MGAM2: variants seen among roughly 807,000 people sequenced by gnomAD.
MGAM2 encodes probable maltase-glucoamylase 2.
MGAM2 carries 98 observed loss-of-function variants against 96.1 expected under a neutral mutation model. That is an observed-to-expected ratio of 1.02 (90% CI 0.87 to 1.21). The LOEUF is 1.21. Ranked by LOEUF, MGAM2 falls within the 50% of genes most tolerant of loss-of-function variation. The pLI, the probability that MGAM2 is intolerant of heterozygous loss-of-function variation, is 0.00. For synonymous variants in MGAM2, 749 were observed against 414.8 expected, an observed-to-expected ratio of 1.81 and a Z score of -9.79; for missense variants, 2,055 against 1,182.4, an observed-to-expected ratio of 1.74 and a Z score of -10.82.
At chr7:142,157,883 C>A (rs1795779979) in intron 17 of MGAM2, 54 bp from the exon 18 acceptor site, 2 of 690,956 alleles carry the variant, frequency 2.9e-6, no homozygotes, top group Non-Finnish European at 5.3e-6. Context: ...TGTAAGAGAA[C>A]TTCTGAACTA....
At chr7:142,213,274 G>A (rs1454701645) in intron 46 of MGAM2, among the ~76,000 whole-genome samples, 1 of 151,988 alleles carries the variant, frequency 6.6e-6, no homozygotes, top group Non-Finnish European at 1.5e-5. Flanking sequence ...AGAGAAGCAA[G>A]GGCAAACAAG....
intron 30 of MGAM2, 34 bp from the exon 31 acceptor site, chr7:142,173,195 A>G (rs1294636740): frequency 1.4e-6 from 1 of 702,176 alleles, no homozygotes; most frequent in Non-Finnish European, 2.6e-6. Context: ...TTCCCTAAGA[A>G]ATCTTTCTGG....
At chr7:142,187,059 A>G (rs945967366) in intron 35 of MGAM2, among the ~76,000 whole-genome samples, 3 of 152,144 alleles carry the variant, frequency 2.0e-5, no homozygotes, top group African/African-American at 4.8e-5. Context: ...TGTCCTATTT[A>G]AAATAGTCTG....
chr7:142,218,271 A>C (rs1472203303), intron 46 of MGAM2, 90 bp from the exon 47 acceptor site: 6 of 488,726 alleles, frequency 1.2e-5, no homozygotes, highest in Non-Finnish European at 2.2e-5. Flanking sequence ...ATATAACAAA[A>C]GTAAATTTAG....
intron 3 of MGAM2, among the ~76,000 whole-genome samples, chr7:142,130,275 G>T (rs896123934): frequency 1.3e-5 from 2 of 152,038 alleles, no homozygotes; most frequent in Non-Finnish European, 2.9e-5. Flanking sequence ...GCTTCACTTT[G>T]CTTACTTTTT....
chr7:142,161,898 A>C (rs1235665429), intron 22 of MGAM2, 57 bp from the exon 23 acceptor site: 2 of 640,792 alleles, frequency 3.1e-6, no homozygotes, highest in Non-Finnish European at 5.6e-6. Flanking sequence ...AGAGAAGAGC[A>C]GGACTCCCTG....
intron 15 of MGAM2, among the ~76,000 whole-genome samples, chr7:142,149,475 C>A (rs34979616): frequency 0.41 from 62,740 of 152,074 alleles, 14,755 homozygotes; most frequent in East Asian, 0.7. Flanking sequence ...TATAATTATA[C>A]CTGAGATGTT....
chr7:142,179,181 G>A (rs1024667469), intron 32 of MGAM2, among the ~76,000 whole-genome samples: 1 of 152,126 alleles, frequency 6.6e-6, no homozygotes, highest in Admixed American at 6.5e-5. Context: ...GTATAGAAAT[G>A]CTACTAATTT....
intron 26 of MGAM2, among the ~76,000 whole-genome samples, chr7:142,168,472 G>C (rs188358613): frequency 6.0e-4 from 92 of 152,176 alleles, no homozygotes; most frequent in African/African-American, 2.2e-3. Context: ...ATTTCACCAT[G>C]TTGGCCAGGC....
chr7:142,216,212 G>C (rs1483348966), intron 46 of MGAM2, among the ~76,000 whole-genome samples: 2 of 152,144 alleles, frequency 1.3e-5, no homozygotes, highest in African/African-American at 2.4e-5. Context: ...CTTAAGAGTA[G>C]TTGGGTTGAA....
At chr7:142,171,654 A>ATATATATC (rs1796195862) in intron 28 of MGAM2, among the ~76,000 whole-genome samples, 1 of 68,120 alleles carries the variant, frequency 1.5e-5, no homozygotes, top group Non-Finnish European at 3.0e-5. Flanking sequence ...ATATATATAT[A>ATATATATC]TCCACAACTG....
At chr7:142,138,705 A>G in intron 10 of MGAM2, 38 bp downstream of exon 10, 2 of 671,720 alleles carry the variant, frequency 3.0e-6, no homozygotes, top group Non-Finnish European at 5.4e-6. Flanking sequence ...GTTGACACCA[A>G]TTCCCATTTT....
chr7:142,221,047 C>T lies in MGAM2; in HGVS notation c.6536C>T (p.Pro2179Leu), dbSNP rs1466689808. 4 of 702,312 alleles carry T rather than the reference C, an allele frequency of 5.7e-6. No homozygotes were observed. 43.5% of individuals were successfully genotyped at this position (702,312 alleles called of 1,614,324 possible). Reference protein sequence around the residue: ...TDDTVPNNTVPVTAIPSLANT... With the variant: ...TDDTVPNNTVLVTAIPSLANT... ...GATACTGTTCCTAATAATACTGTTC[C>T]AGTTACAGCTATTCCTTCTCTTGCA... is the stretch of plus-strand genomic sequence containing the variant. The change falls in exon 48 of 48, where the codon CCA (proline) becomes CTA (leucine). Residue 2179 changes from proline to leucine, a missense_variant. Pro to Leu is a moderately conservative substitution (Grantham distance 98, BLOSUM62 -3). Coordinates refer to ENST00000477922, the MANE Select transcript of MGAM2 (RefSeq NM_001293626.2).
At chr7:142,211,523 G>A (rs945338986) in intron 46 of MGAM2, among the ~76,000 whole-genome samples, 5 of 152,142 alleles carry the variant, frequency 3.3e-5, no homozygotes, top group Non-Finnish European at 5.9e-5. Context: ...GAAAAATATA[G>A]CATGAGAACT....
At chr7:142,161,324 C>T (rs1795882558) in intron 22 of MGAM2, 111 bp downstream of exon 22, 2 of 546,374 alleles carry the variant, frequency 3.7e-6, no homozygotes, top group East Asian at 3.0e-5. Context: ...TCGTTTACAT[C>T]TGTAGCTGAG....
In MGAM2 at chr7:142,140,785, C is replaced by A. The variant is rs1795197836; in HGVS notation, c.1087-17C>A. On this transcript the variant is annotated splice_polypyrimidine_tract_variant and intron_variant, in intron 10 of 47. Transcript: ENST00000477922. ...GTGCTGTTTCCTAGGTTCTGATTGA[C>A]CAGAGCTCTCTTTCAGGATGTCCAG... 2 of 700,080 alleles carry A rather than the reference C, an allele frequency of 2.9e-6. No homozygotes were observed. Among genetic ancestry groups the A allele is most frequent in the African/African-American group, 3.5e-5 (2 of 57,066 alleles). 43.4% of individuals were successfully genotyped at this position (700,080 alleles called of 1,614,324 possible). A position where few individuals can be genotyped will look rare whatever the true frequency, so the allele number is the denominator to read the frequency against.
chr7:142,138,459 C>T (rs904683573), intron 9 of MGAM2, 83 bp from the exon 10 acceptor site: 15 of 643,482 alleles, frequency 2.3e-5, no homozygotes, highest in African/African-American at 3.7e-5. Flanking sequence ...TTAGCTCTGA[C>T]GTTTTCAGCT....
chr7:142,196,104 T>C, intron 37 of MGAM2, 50 bp from the exon 38 acceptor site: 1 of 781,386 alleles, frequency 1.3e-6, no homozygotes, highest in East Asian at 2.7e-5. Flanking sequence ...AGTTATTCTC[T>C]GTAAAGGAGT....
intron 28 of MGAM2, among the ~76,000 whole-genome samples, 186 bp from the exon 29 acceptor site, chr7:142,171,912 A>C (rs1222760862): frequency 6.6e-6 from 1 of 151,988 alleles, no homozygotes; most frequent in Non-Finnish European, 1.5e-5. Context: ...ATAATAAATG[A>C]GGAAGGCATG....
Sources: allele counts gnomAD v4.1 joint callset (sites outside exome capture counted in the v4.1 genomes callset), GRCh38; gene constraint gnomAD v4.1.1; transcripts MANE v1.5; gene names NCBI Gene and HGNC (gene_info 2026-07-23, HGNC 2026-07-21).